The following NUMB variants were observed in gnomAD, a reference collection of about 807,000 sequenced individuals.
NUMB encodes the protein protein numb homolog.
A neutral mutation model predicts 59.7 loss-of-function variants in NUMB; 29 were observed. The ratio of observed to expected loss-of-function variants is 0.49; its 90% confidence interval spans 0.36 to 0.66. NUMB has a LOEUF of 0.66. NUMB is among the 30% of genes least tolerant of loss of function. The pLI, the probability that NUMB is intolerant of heterozygous loss-of-function variation, is 0.00. For missense variants in NUMB, 723 were observed against 822.0 expected (o/e 0.88, Z 1.47); for synonymous variants, 288 against 288.2 (o/e 1.00, Z 0.01).
chr14:73,331,534 C>T (rs1423894811), intron 4 of NUMB, among the ~76,000 whole-genome samples: 9 of 152,016 alleles, frequency 5.9e-5, no homozygotes, highest in Middle Eastern at 3.4e-3. Flanking sequence ...GGCAACAGAG[C>T]AAGACTCCGT....
chr14:73,335,543 TTTTG>T (rs1385511137), intron 4 of NUMB, among the ~76,000 whole-genome samples: 1 of 152,216 alleles, frequency 6.6e-6, no homozygotes, highest in East Asian at 1.9e-4. Flanking sequence ...CTGGGACTTC[TTTTG>T]TTTGTATGCC....
At chr14:73,284,670 A>G (rs533509362) in intron 9 of NUMB, 1 of 247,246 alleles carries the variant, frequency 4.0e-6, no homozygotes, top group African/African-American at 2.3e-5. Flanking sequence ...GTTCCTATGA[A>G]TTCCTAATAT....
Position 73,456,260 on chromosome 14 carries a change from C to G in NUMB, c.-233+2233G>C, listed in dbSNP as rs530660935. On this transcript the variant is annotated intron_variant, in intron 1 of 12. Coordinates refer to ENST00000555238, the MANE Select transcript of NUMB (RefSeq NM_001005743.2). ...AAGTAGCTGGGATTACAGGCACGCG[C>G]CACCACGCCCAGCTAATTTTGTATT... Among the ~76,000 whole-genome samples, 7 of 152,242 alleles carry G rather than the reference C, an allele frequency of 4.6e-5. No homozygotes were observed. The East Asian group carries it at 1.4e-3, about 29-fold the overall frequency.
At chr14:73,360,820 C>A (rs1396259218) in intron 3 of NUMB, among the ~76,000 whole-genome samples, 1 of 151,978 alleles carries the variant, frequency 6.6e-6, no homozygotes, top group East Asian at 1.9e-4. Flanking sequence ...TATTATACTA[C>A]TCTTTTCATT....
intron 1 of NUMB, among the ~76,000 whole-genome samples, chr14:73,415,898 A>T (rs2140142334): frequency 6.6e-6 from 1 of 152,352 alleles, no homozygotes; most frequent in Admixed American, 6.5e-5. Flanking sequence ...AAGAGGAAAT[A>T]TGAAAACAGA....
At chr14:73,348,548 G>C (rs924724996) in intron 4 of NUMB, among the ~76,000 whole-genome samples, 1 of 152,174 alleles carries the variant, frequency 6.6e-6, no homozygotes, top group Non-Finnish European at 1.5e-5. Flanking sequence ...GATTCTCATA[G>C]GAGCGCGAAC....
chr14:73,386,867 ATTTTTTTTTTTT>A lies in NUMB; in HGVS notation c.-100-19898_-100-19887del, dbSNP rs71112745. Among the ~76,000 whole-genome samples, 17 of 79,852 alleles carry A rather than the reference ATTTTTTTTTTTT, an allele frequency of 2.1e-4. No homozygotes were observed. The East Asian group carries it at 3.2e-3, about 15-fold the overall frequency. The allele number at this position is 79,852 out of a possible 152,430, so 52.4% of individuals were successfully genotyped here. On this transcript the variant is annotated intron_variant, in intron 2 of 12. Transcript: ENST00000555238. ...TACAAGACAATCTATCAGGTGTCTT[ATTTTTTTTTTTT>A]TTTTTTTTTTTTTTTTTTTGAGACG...
At chr14:73,352,216 C>A (rs966754134) in intron 4 of NUMB, among the ~76,000 whole-genome samples, 5 of 151,208 alleles carry the variant, frequency 3.3e-5, no homozygotes, top group African/African-American at 9.7e-5. Context: ...CACCCAGTGC[C>A]TACATATACA....
intron 1 of NUMB, among the ~76,000 whole-genome samples, chr14:73,444,073 C>G (rs990037548): frequency 1.3e-5 from 2 of 152,012 alleles, no homozygotes; most frequent in Non-Finnish European, 2.9e-5. Flanking sequence ...TTGCCCGGGC[C>G]GAGAGCTTTT....
chr14:73,456,971 G>A (rs907689349), intron 1 of NUMB, among the ~76,000 whole-genome samples: 1 of 151,696 alleles, frequency 6.6e-6, no homozygotes, highest in African/African-American at 2.4e-5. Flanking sequence ...GGTCTTTATC[G>A]TCTATTGAAC....
At chr14:73,446,004 T>C (rs1386496977) in intron 1 of NUMB, among the ~76,000 whole-genome samples, 1 of 151,534 alleles carries the variant, frequency 6.6e-6, no homozygotes, top group East Asian at 1.9e-4. Context: ...TTTTTCTTTT[T>C]TTTTTTTTTT....
chr14:73,428,995 GATACACAGAACACCCAAAAAA>G (rs1897704899), intron 1 of NUMB, among the ~76,000 whole-genome samples: 2 of 152,042 alleles, frequency 1.3e-5, no homozygotes, highest in Admixed American at 6.6e-5. Context: ...AGATATAAAA[GATACACAGAACACCCAAAAAA>G]ATTCCCTCAT....
At chr14:73,308,954 A>G (rs747225070) in intron 6 of NUMB, among the ~76,000 whole-genome samples, 3 of 152,226 alleles carry the variant, frequency 2.0e-5, no homozygotes, top group African/African-American at 4.8e-5. Flanking sequence ...AGATGATTAA[A>G]TGGGTTCAAC....
chr14:73,301,566 T>G (rs1022751581), intron 6 of NUMB, among the ~76,000 whole-genome samples: 1 of 151,996 alleles, frequency 6.6e-6, no homozygotes, highest in Non-Finnish European at 1.5e-5. Context: ...GCCTCCCCAG[T>G]AGCTGGGACT....
At position 73,292,719 on chromosome 14, in the gene NUMB, AT is replaced by A. The variant is rs766286012; in HGVS notation, c.450+14del. The A allele has an allele frequency of 8.1e-6, 13 of 1,613,402 alleles. No homozygotes were observed. In the East Asian group the frequency reaches 2.9e-4, roughly 36 times the overall value. On this transcript the variant is annotated intron_variant, in intron 8 of 12. Coordinates refer to ENST00000555238, the MANE Select transcript of NUMB (RefSeq NM_001005743.2). ...TGAGAATACTCATCATGAAATACAT[AT>A]TTGCTGGACTCACTGTGTCCTTGAC...
At chr14:73,397,262 G>C (rs183295526) in intron 2 of NUMB, among the ~76,000 whole-genome samples, 1 of 152,138 alleles carries the variant, frequency 6.6e-6, no homozygotes, top group African/African-American at 2.4e-5. Flanking sequence ...TGGTATCTCT[G>C]GTCCAAGGAC....
chr14:73,381,771 T>C (rs1006140865), intron 2 of NUMB, among the ~76,000 whole-genome samples: 6 of 152,210 alleles, frequency 3.9e-5, no homozygotes, highest in African/African-American at 1.4e-4. Context: ...AATTGTTTAA[T>C]ACTGTTTTAT....
At chr14:73,457,054 A>G (rs1884428454) in intron 1 of NUMB, among the ~76,000 whole-genome samples, 1 of 152,126 alleles carries the variant, frequency 6.6e-6, no homozygotes, top group South Asian at 2.1e-4. Flanking sequence ...ATGAAAAAAA[A>G]AACACCACCA....
chr14:73,277,320 A>G (rs1452985061), intron 12 of NUMB, 27 bp from the exon 13 acceptor site: 2 of 1,524,196 alleles, frequency 1.3e-6, no homozygotes, highest in South Asian at 2.4e-5. Context: ...GAGAGACAAA[A>G]GAATCAGTTA....
Sources: gnomAD v4.1 joint callset for allele counts (sites outside exome capture counted in the v4.1 genomes callset) on GRCh38, gnomAD v4.1.1 for gene constraint, MANE v1.5 for transcripts, NCBI Gene and HGNC (gene_info 2026-07-23, HGNC 2026-07-21) for gene names.